The following NXPE2 variants were observed in gnomAD, a reference collection of about 807,000 sequenced individuals.
The protein encoded by NXPE2 is NXPE family member 2.
Under a neutral mutation model 34.4 loss-of-function variants are expected in NXPE2, and 34 were observed. The ratio of observed to expected loss-of-function variants is 0.99; its 90% CI spans 0.75 to 1.31. NXPE2 has a LOEUF of 1.31. Ranked by LOEUF, NXPE2 falls within the 40% of genes most tolerant of loss-of-function variation. The pLI is 0.00. For synonymous variants in NXPE2, 235 were observed against 231.3 expected, an observed-to-expected ratio of 1.02 and a Z score of -0.15; for missense variants, 649 against 672.5, an observed-to-expected ratio of 0.97 and a Z score of 0.39.
At chr11:114,500,724 A>T in the NXPE2 span, among the ~76,000 whole-genome samples, 4 of 152,012 alleles carry the variant, frequency 2.6e-5, no homozygotes, top group African/African-American at 9.7e-5. Context: ...TTGCAGCTTT[A>T]TAGTTTTGTG....
At chr11:114,475,219 G>C in the NXPE2 span, among the ~76,000 whole-genome samples, 1 of 124,762 alleles carries the variant, frequency 8.0e-6, no homozygotes, top group Non-Finnish European at 1.7e-5. Context: ...TACATTTAAT[G>C]TGAACTGTTT....
At chr11:114,743,777 C>CAT in the NXPE2 span, among the ~76,000 whole-genome samples, 5 of 150,090 alleles carry the variant, frequency 3.3e-5, no homozygotes, top group East Asian at 9.7e-4. Flanking sequence ...CTTTAGTGAG[C>CAT]ATATATATAT....
At chr11:114,803,570 G>GTC in the NXPE2 span, among the ~76,000 whole-genome samples, 101,289 of 144,844 alleles carry the variant, frequency 0.7, 35,916 homozygotes, top group Non-Finnish European at 0.76. Flanking sequence ...ACTCCCTCAG[G>GTC]TCTCTCTCTC....
chr11:114,584,233 G>A, the NXPE2 span: 8 of 427,854 alleles, frequency 1.9e-5, no homozygotes, highest in Admixed American at 1.2e-4. Context: ...GATCCCTAAT[G>A]AGCCTTCATA....
the NXPE2 span, among the ~76,000 whole-genome samples, chr11:114,731,060 G>A: frequency 6.6e-6 from 1 of 151,994 alleles, no homozygotes; most frequent in Non-Finnish European, 1.5e-5. Context: ...TTATTTTGAG[G>A]TATGTTTCTT....
chr11:114,750,617 A>G, the NXPE2 span, among the ~76,000 whole-genome samples: 2 of 152,236 alleles, frequency 1.3e-5, no homozygotes, highest in Admixed American at 6.5e-5. Flanking sequence ...CTAGCCAAAC[A>G]TGACAAACAT....
chr11:114,503,811 C>A, the NXPE2 span, among the ~76,000 whole-genome samples: 1 of 152,214 alleles, frequency 6.6e-6, no homozygotes, highest in Non-Finnish European at 1.5e-5. Flanking sequence ...GTATCCAATA[C>A]AATAAATGAA....
At chr11:114,648,455 T>C in the NXPE2 span, among the ~76,000 whole-genome samples, 2 of 152,198 alleles carry the variant, frequency 1.3e-5, no homozygotes, top group Admixed American at 1.3e-4. Context: ...CTTTCACAAA[T>C]TGGATGAGGC....
the NXPE2 span, among the ~76,000 whole-genome samples, chr11:114,634,368 T>G: frequency 1.3e-5 from 2 of 152,072 alleles, no homozygotes; most frequent in African/African-American, 4.8e-5. Flanking sequence ...TATTAGCCCT[T>G]TGTCAGATGA....
the NXPE2 span, among the ~76,000 whole-genome samples, chr11:114,673,137 G>A: frequency 6.7e-6 from 1 of 149,368 alleles, no homozygotes; most frequent in African/African-American, 2.4e-5. Context: ...ATGCTCTGTG[G>A]CTATATGGAA....
the NXPE2 span, among the ~76,000 whole-genome samples, chr11:114,578,693 G>C: frequency 1.3e-5 from 2 of 152,194 alleles, no homozygotes; most frequent in Non-Finnish European, 2.9e-5. Context: ...TCAGTGATGA[G>C]AGCCAGGATC....
At chr11:114,659,399 G>T in the NXPE2 span, among the ~76,000 whole-genome samples, 4 of 150,516 alleles carry the variant, frequency 2.7e-5, no homozygotes, top group South Asian at 8.4e-4. Context: ...ATCAGTGAAT[G>T]TGAGGATAGG....
the NXPE2 span, among the ~76,000 whole-genome samples, chr11:114,754,706 A>G: frequency 6.8e-4 from 102 of 150,124 alleles, no homozygotes; most frequent in East Asian, 8.2e-3. Context: ...AGGGAGTGAG[A>G]GCTCCAGGGG....
the NXPE2 span, among the ~76,000 whole-genome samples, chr11:114,663,990 T>A: frequency 2.0e-5 from 3 of 152,174 alleles, no homozygotes; most frequent in Admixed American, 2.0e-4. Context: ...TTTGACAGTT[T>A]CTTATAATGT....
chr11:114,712,570 C>T, the NXPE2 span, among the ~76,000 whole-genome samples: 1 of 152,186 alleles, frequency 6.6e-6, no homozygotes, highest in Non-Finnish European at 1.5e-5. Context: ...AATGAGGTAT[C>T]ACCTCACATC....
the NXPE2 span, among the ~76,000 whole-genome samples, chr11:114,487,496 G>T: frequency 6.6e-6 from 1 of 151,740 alleles, no homozygotes; most frequent in Non-Finnish European, 1.5e-5. Flanking sequence ...TTCCAGTTTG[G>T]ATGCCTTTTA....
chr11:114,725,405 C>T, the NXPE2 span, among the ~76,000 whole-genome samples: 3 of 152,006 alleles, frequency 2.0e-5, no homozygotes, highest in Non-Finnish European at 4.4e-5. Context: ...TATATAGCCT[C>T]CTTCTTCCTC....
At chr11:114,529,061 G>A in the NXPE2 span, 1 of 386,760 alleles carries the variant, frequency 2.6e-6, no homozygotes, top group African/African-American at 2.0e-5. Flanking sequence ...TGTCATGTTT[G>A]GTGCCTACTC....
chr11:114,628,312 C>G, the NXPE2 span, among the ~76,000 whole-genome samples: 1 of 151,728 alleles, frequency 6.6e-6, no homozygotes, highest in Non-Finnish European at 1.5e-5. Context: ...GAAATTATAA[C>G]AAACTGTCTC....
Sources: gnomAD v4.1 joint callset for allele counts (sites outside exome capture counted in the v4.1 genomes callset) on GRCh38, gnomAD v4.1.1 for gene constraint, MANE v1.5 for transcripts, NCBI Gene and HGNC (gene_info 2026-07-23, HGNC 2026-07-21) for gene names.